The following FADS2 variants were observed in gnomAD, a reference collection of about 807,000 sequenced individuals.
The protein encoded by FADS2 is fatty acid desaturase 2.
FADS2 carries 18 observed loss-of-function variants against 61.2 expected under a neutral mutation model. That is an observed-to-expected ratio of 0.29 (90% CI 0.20 to 0.44). The LOEUF (loss-of-function observed/expected upper bound fraction) is 0.44, where lower values mean the gene tolerates loss of function less well. FADS2 is among the 20% of genes least tolerant of loss of function. The pLI is 1.00. For missense variants in FADS2, 322 were observed against 572.7 expected (o/e 0.56, Z 4.47); for synonymous variants, 203 against 223.9 (o/e 0.91, Z 0.83).
chr11:61,823,372 C>T (rs1324577583), upstream of FADS2, among the ~76,000 whole-genome samples: 1 of 152,198 alleles, frequency 6.6e-6, no homozygotes, highest in Admixed American at 6.5e-5. Flanking sequence ...ACATTATGTC[C>T]ACCTCTATGG....
intron 7 of FADS2, chr11:61,862,714 G>C (rs1481340208): frequency 2.0e-6 from 1 of 494,110 alleles, no homozygotes; most frequent in Non-Finnish European, 3.7e-6. Flanking sequence ...CTGCCCCTCA[G>C]CAGGAGGGTC....
At chr11:61,824,431 AGAG>A (rs1565325162), upstream of FADS2, among the ~76,000 whole-genome samples, 6 of 3,824 alleles carry the variant, frequency 1.6e-3, no homozygotes, top group African/African-American at 3.2e-3. Context: ...AGAGAGAGAG[AGAG>A]GGAGGGAGGG....
chr11:61,816,969 C>G lies in FADS2; in HGVS notation c.141+543C>G, dbSNP rs1163404450. On this transcript the variant is annotated intron_variant, in intron 1 of 11. Coordinates refer to the FADS2 transcript ENST00000257261. This position sits in a 1 kb window ranked among gnomAD's most constrained non-coding sequence, Gnocchi z 7.0. ...GGCGCGGGGAGCGAGATCCCGTCCC[C>G]CGGTGGGTCTTGGGCAACTCACAGC... The G allele has an allele frequency of 2.9e-6, 4 of 1,369,034 alleles. No individual in the cohort carries two copies. Among genetic ancestry groups the G allele is most frequent in the Non-Finnish European group, 3.7e-6 (4 of 1,069,236 alleles). The allele number at this position is 1,369,034 out of a possible 1,614,324, so 84.8% of individuals were successfully genotyped here. A position where few individuals can be genotyped will look rare whatever the true frequency, so the allele number is the denominator to read the frequency against.
At chr11:61,820,736 C>T (rs1336379822) in intron 1 of FADS2, among the ~76,000 whole-genome samples, 1 of 151,930 alleles carries the variant, frequency 6.6e-6, no homozygotes, top group African/African-American at 2.4e-5. Flanking sequence ...CCTGTCTCTA[C>T]TAAAATACAA....
upstream of FADS2, chr11:61,826,106 C>T (rs1010226874): frequency 1.0e-5 from 7 of 702,516 alleles, no homozygotes; most frequent in African/African-American, 1.2e-4. Flanking sequence ...TCACAGTACA[C>T]CTGCTTTACG....
upstream of FADS2, among the ~76,000 whole-genome samples, chr11:61,823,428 T>A (rs1276413823): frequency 6.6e-6 from 1 of 152,210 alleles, no homozygotes; most frequent in African/African-American, 2.4e-5. Context: ...TCCAGATGCT[T>A]TCCAGCACTA....
chr11:61,818,693 G>T (rs953889042), intron 1 of FADS2, among the ~76,000 whole-genome samples: 3 of 152,080 alleles, frequency 2.0e-5, no homozygotes, highest in Non-Finnish European at 4.4e-5. Context: ...AAGTAGTATG[G>T]GTTCGCTGAT....
At chr11:61,831,796 C>G (rs1166182454) in intron 1 of FADS2, among the ~76,000 whole-genome samples, 1 of 152,172 alleles carries the variant, frequency 6.6e-6, no homozygotes, top group African/African-American at 2.4e-5. Flanking sequence ...CCCCTCCCAG[C>G]TTCCTTCCCT....
chr11:61,816,902 C>T lies in FADS2; in HGVS notation c.141+476C>T, dbSNP rs1044912550. 4 of 1,415,816 alleles carry T rather than the reference C, an allele frequency of 2.8e-6. No homozygotes were observed. Among genetic ancestry groups the T allele is most frequent in the South Asian group, 3.0e-5 (2 of 66,834 alleles). The allele number at this position is 1,415,816 out of a possible 1,614,324, so 87.7% of individuals were successfully genotyped here. ...GGGTTTTCAGCACCGCAGGGCAGACCGGCGGGCCTCGCAGCGCGCGTTCCC... is the reference window on the plus strand; with the variant it reads ...GGGTTTTCAGCACCGCAGGGCAGACTGGCGGGCCTCGCAGCGCGCGTTCCC... On this transcript the variant is annotated intron_variant, in intron 1 of 11. Transcript: ENST00000257261. The surrounding 1 kb of genome is among the most constrained non-coding windows in gnomAD (Gnocchi z 7.0).
At chr11:61,846,134 T>C (rs1329132654) in intron 4 of FADS2, among the ~76,000 whole-genome samples, 3 of 147,756 alleles carry the variant, frequency 2.0e-5, no homozygotes, top group Non-Finnish European at 4.5e-5. Context: ...TTCTTTTCTT[T>C]TTTTTTTTTT....
At position 61,821,953 on chromosome 11, in the gene FADS2, C is replaced by T. The variant is rs140420141; in HGVS notation, c.141+5527C>T. On this transcript the variant is annotated intron_variant, in intron 1 of 11. Coordinates refer to the FADS2 transcript ENST00000257261. ...AGAGGCAGGCTCATGGAGGAATTCACGGGATTTCCTTAATGCAGTCTTTTT... is the reference window on the plus strand; with the variant it reads ...AGAGGCAGGCTCATGGAGGAATTCATGGGATTTCCTTAATGCAGTCTTTTT... Among the ~76,000 whole-genome samples, 834 of 150,842 alleles carry T rather than the reference C, an allele frequency of 5.5e-3. 11 individuals carry two copies. Among genetic ancestry groups the T allele is most frequent in the African/African-American group, 0.019 (789 of 41,148 alleles).
chr11:61,844,910 G>A (rs2067244881), intron 4 of FADS2, among the ~76,000 whole-genome samples: 2 of 149,452 alleles, frequency 1.3e-5, no homozygotes, highest in Non-Finnish European at 3.0e-5. Context: ...GGGCGACAGA[G>A]GAAGACTCCG....
chr11:61,827,772 C>G (rs998985360), upstream of FADS2: 1 of 152,684 alleles, frequency 6.5e-6, no homozygotes, highest in African/African-American at 2.4e-5. This position sits in a 1 kb window ranked among gnomAD's most constrained non-coding sequence, Gnocchi z 4.5. Flanking sequence ...TTCGTTGCCC[C>G]CACCGGGATC....
chr11:61,859,498 A>G (rs2067394519), intron 7 of FADS2, among the ~76,000 whole-genome samples: 2 of 152,238 alleles, frequency 1.3e-5, no homozygotes, highest in Admixed American at 6.5e-5. Flanking sequence ...TGTCCCAGCC[A>G]TTGCAAATCC....
Position 61,816,461 on chromosome 11 carries a change from T to C in FADS2, c.141+35T>C. On this transcript the variant is annotated intron_variant, in intron 1 of 11. Coordinates refer to the FADS2 transcript ENST00000257261. The surrounding 1 kb of genome is among the most constrained non-coding windows in gnomAD (Gnocchi z 7.0). ...GGCGCCTCCGGGCTTTCCTCCGAATTAGTCGGTGTTTGGCTCGGAGTGCGT... is the reference window on the plus strand; with the variant it reads ...GGCGCCTCCGGGCTTTCCTCCGAATCAGTCGGTGTTTGGCTCGGAGTGCGT... 2 of 1,600,584 alleles carry C rather than the reference T, an allele frequency of 1.2e-6. No homozygotes were observed. The highest frequency in any genetic ancestry group is 2.2e-5 in the East Asian group (1 of 44,872).
At chr11:61,828,014 G>A, upstream of FADS2, 4 of 1,115,018 alleles carry the variant, frequency 3.6e-6, no homozygotes, top group Non-Finnish European at 3.3e-6. The surrounding 1 kb of genome is among the most constrained non-coding windows in gnomAD (Gnocchi z 6.4). Flanking sequence ...CTCGGGCGGC[G>A]GGGAACGCGG....
chr11:61,836,858 A>C (rs760510752), intron 1 of FADS2, among the ~76,000 whole-genome samples: 23 of 152,234 alleles, frequency 1.5e-4, no homozygotes, highest in Non-Finnish European at 2.9e-4. Context: ...CAGATTACAC[A>C]GTGTTCACCA....
At chr11:61,856,155 A>C (rs568713381) in intron 5 of FADS2, 1 of 152,434 alleles carries the variant, frequency 6.6e-6, no homozygotes. Context: ...CTGGAAGTGC[A>C]GGGTGGGCTG....
intron 1 of FADS2, among the ~76,000 whole-genome samples, chr11:61,817,948 G>A (rs556537758): frequency 3.4e-4 from 52 of 152,298 alleles, no homozygotes; most frequent in African/African-American, 1.3e-3. Flanking sequence ...AATTTACAGT[G>A]AAGAAACTGA....
Sources: allele counts gnomAD v4.1 joint callset (sites outside exome capture counted in the v4.1 genomes callset), GRCh38; gene constraint gnomAD v4.1.1; non-coding constraint Gnocchi (gnomAD v3.1); transcripts MANE v1.5; gene names NCBI Gene and HGNC (gene_info 2026-07-23, HGNC 2026-07-21).